Variants in CCDC102A observed in about 807,000 individuals in gnomAD.
CCDC102A encodes the protein coiled-coil domain containing 102A.
CCDC102A carries 40 observed loss-of-function variants against 55.5 expected under a neutral mutation model. That is an observed-to-expected ratio of 0.72 (90% CI 0.56 to 0.94). The LOEUF (loss-of-function observed/expected upper bound fraction) is 0.94. CCDC102A is among the 40% of genes least tolerant of loss of function. CCDC102A has a pLI of 0.00. For synonymous variants in CCDC102A, 323 were observed against 339.0 expected (o/e 0.95, Z 0.52); for missense variants, 779 against 768.6 (o/e 1.01, Z -0.16).
At chr16:57,530,071 T>C (rs1370689245) in intron 1 of CCDC102A, among the ~76,000 whole-genome samples, 5 of 152,206 alleles carry the variant, frequency 3.3e-5, no homozygotes, top group Admixed American at 2.0e-4. Context: ...AAGGATTTGC[T>C]GAATGAACGC....
intron 6 of CCDC102A, among the ~76,000 whole-genome samples, chr16:57,517,541 G>A (rs149411607): frequency 0.018 from 2,683 of 152,090 alleles, 51 homozygotes; most frequent in South Asian, 0.1. Context: ...ATGGGGTTTC[G>A]CCATGTTAGC....
rs1350522277 is a variant in CCDC102A, at chr16:57,529,840, T to A, written c.-147-516A>T. On this transcript the variant is annotated intron_variant, in intron 1 of 8. Transcript: ENST00000258214. This position sits in a 1 kb window ranked among gnomAD's most constrained non-coding sequence, Gnocchi z 4.1. ...GTCATTTATGTGTCTGCTGTGTACC[T>A]TTAACCAAGGCTGTGAGTTTGCTGT... 6.6e-6 allele frequency among the ~76,000 whole-genome samples: 1 copy of A among 152,204 alleles called. No homozygotes were observed. The highest frequency in any genetic ancestry group is 1.5e-5 in the Non-Finnish European group (1 of 68,032).
chr16:57,536,103 C>A (rs1217344471), intron 1 of CCDC102A, among the ~76,000 whole-genome samples: 1 of 152,124 alleles, frequency 6.6e-6, no homozygotes, highest in Non-Finnish European at 1.5e-5. Context: ...CGGCTCTGGG[C>A]AGGGCGCCGT....
intron 2 of CCDC102A, 21 bp from the exon 3 acceptor site, chr16:57,526,148 G>A (rs2032139063): frequency 2.0e-6 from 3 of 1,508,250 alleles, no homozygotes; most frequent in East Asian, 4.9e-5. Context: ...CAAGGTGGAG[G>A]CTGGACCAGT....
intron 4 of CCDC102A, 35 bp from the exon 5 acceptor site, chr16:57,518,776 C>A: frequency 6.5e-7 from 1 of 1,528,924 alleles, no homozygotes; most frequent in Non-Finnish European, 8.9e-7. Context: ...TCATGAGAAC[C>A]ACCAGGATAT....
chr16:57,518,514 C>T (rs560031437), intron 5 of CCDC102A, 111 bp downstream of exon 5: 5 of 942,666 alleles, frequency 5.3e-6, no homozygotes, highest in Non-Finnish European at 8.3e-6. Flanking sequence ...TGTGGCTGGC[C>T]CCGCTCAGAG....
chr16:57,522,805 T>C (rs144435768), intron 3 of CCDC102A, among the ~76,000 whole-genome samples: 11 of 152,376 alleles, frequency 7.2e-5, no homozygotes, highest in African/African-American at 2.6e-4. Flanking sequence ...ACACCCACTC[T>C]GACCACTTCA....
chr16:57,533,906 G>A (rs1251427860), intron 1 of CCDC102A, among the ~76,000 whole-genome samples: 1 of 152,158 alleles, frequency 6.6e-6, no homozygotes, highest in African/African-American at 2.4e-5. Flanking sequence ...ATGTGCGTGG[G>A]GCGTGGCCTC....
intron 3 of CCDC102A, among the ~76,000 whole-genome samples, chr16:57,523,614 G>A (rs1229252725): frequency 6.6e-6 from 1 of 151,794 alleles, no homozygotes; most frequent in Admixed American, 6.6e-5. Flanking sequence ...CCAAGTAGCT[G>A]GGACTACAGT....
At chr16:57,517,911 G>A (rs1213006142) in intron 6 of CCDC102A, among the ~76,000 whole-genome samples, 157 bp downstream of exon 6, 1 of 152,254 alleles carries the variant, frequency 6.6e-6, no homozygotes, top group Non-Finnish European at 1.5e-5. Context: ...CTCAATGAAT[G>A]CGGCTACTAT....
chr16:57,515,521 C>T, intron 7 of CCDC102A, 77 bp from the exon 8 acceptor site: 1 of 865,102 alleles, frequency 1.2e-6, no homozygotes, highest in South Asian at 1.4e-5. Context: ...CAGGGAAAAC[C>T]ACTCCTGCTG....
chr16:57,516,240 C>A lies in CCDC102A; in HGVS notation c.1419+53G>T. 1 of 1,564,578 alleles carries A rather than the reference C, an allele frequency of 6.4e-7. No individual in the cohort carries two copies. The highest frequency in any genetic ancestry group is 1.1e-5 in the South Asian group (1 of 89,084). On this transcript the variant is annotated intron_variant, in intron 7 of 8. Transcript: ENST00000258214. The surrounding 1 kb of genome is among the most constrained non-coding windows in gnomAD (Gnocchi z 4.4). ...GAAGCCAGGATGGCCCTGCGGCCCCCACTCCTCCCTGGCCAAGGTCTGTTG... is the reference window on the plus strand; with the variant it reads ...GAAGCCAGGATGGCCCTGCGGCCCCAACTCCTCCCTGGCCAAGGTCTGTTG...
intron 2 of CCDC102A, among the ~76,000 whole-genome samples, chr16:57,527,017 C>T (rs1460519057): frequency 6.6e-5 from 10 of 152,288 alleles, no homozygotes; most frequent in Admixed American, 2.0e-4. Flanking sequence ...GGCCTGTGAC[C>T]GACAACTGGA....
intron 1 of CCDC102A, among the ~76,000 whole-genome samples, chr16:57,536,263 A>C (rs572656436): frequency 9.3e-5 from 11 of 118,358 alleles, no homozygotes; most frequent in East Asian, 2.8e-4. Flanking sequence ...CCCCTCCCCC[A>C]TCACCCCGCG....
In CCDC102A at chr16:57,528,655, C is replaced by T. The variant is rs1476973753; in HGVS notation, c.523G>A (p.Glu175Lys). 1.3e-5 allele frequency: 15 copies of T among 1,171,288 alleles called. No individual in the cohort carries two copies. In the African/African-American group the frequency reaches 1.3e-4, roughly 10 times the overall value. The allele number at this position is 1,171,288 out of a possible 1,614,324, so 72.6% of individuals were successfully genotyped here. A position where few individuals can be genotyped will look rare whatever the true frequency, so the allele number is the denominator to read the frequency against. ...ACTGGCTCGCGCTCCGCTTCCGGCT[C>T]GGGGCCGTCGCGCGTCTGGTCGGCG... is the stretch of plus-strand genomic sequence containing the variant. The part of the protein sequence containing the change: ...GVADQTRDGP[E>K]PEAEREPVRD... Residue 175 changes from glutamate (E) to lysine (K), a missense_variant, in exon 2 of 9, where the codon GAG (glutamate) becomes AAG (lysine). Transcript: ENST00000258214.
In CCDC102A at chr16:57,528,739, G is replaced by A; in HGVS notation, c.439C>T (p.Gln147Ter). The A allele has an allele frequency of 8.5e-7, 1 of 1,171,032 alleles. No individual in the cohort carries two copies. The highest frequency in any genetic ancestry group is 2.3e-5 in the South Asian group (1 of 43,474). The allele number at this position is 1,171,032 out of a possible 1,614,324, so 72.5% of individuals were successfully genotyped here. ...AGARRERQEA[Q>*]GECEARGREL... ...CGGCCCCGTGCCTCGCACTCGCCCT[G>A]CGCCTCTTGGCGCTCGCGCCGTGCG... The change falls in exon 2 of 9, where the codon CAG becomes TAG. Residue 147 changes from glutamine to a stop codon, truncating the protein, a stop_gained. Coordinates refer to ENST00000258214, the MANE Select transcript of CCDC102A (RefSeq NM_033212.4). LOFTEE classifies it high-confidence loss of function.
At chr16:57,524,401 A>G (rs4783992) in intron 3 of CCDC102A, among the ~76,000 whole-genome samples, 48,166 of 151,876 alleles carry the variant, frequency 0.32, 9,505 homozygotes, top group African/African-American at 0.57. Context: ...TAGGGAATGC[A>G]GTTCCAGGAG....
chr16:57,530,871 G>A (rs1180847684), intron 1 of CCDC102A, among the ~76,000 whole-genome samples: 2 of 151,790 alleles, frequency 1.3e-5, no homozygotes, highest in African/African-American at 4.8e-5. Context: ...CTGTCACCCG[G>A]CCACCTGTGC....
chr16:57,512,709 G>A lies in CCDC102A; in HGVS notation c.*32C>T, dbSNP rs2031886670. 1 of 1,603,684 alleles carries A rather than the reference G, an allele frequency of 6.2e-7. No individual in the cohort carries two copies. Among genetic ancestry groups the A allele is most frequent in the Admixed American group, 1.7e-5 (1 of 59,434 alleles). ...TTAGCCTGGACCCTGGGCAGGTATG[G>A]GGCGGCCCATCCTGCCCAGCCACAG... On this transcript the variant is annotated 3_prime_UTR_variant, in exon 9 of 9. Transcript: ENST00000258214.
Sources: allele counts gnomAD v4.1 joint callset (sites outside exome capture counted in the v4.1 genomes callset), GRCh38; gene constraint gnomAD v4.1.1; non-coding constraint Gnocchi (gnomAD v3.1); transcripts MANE v1.5; gene names NCBI Gene and HGNC (gene_info 2026-07-23, HGNC 2026-07-21).